Variants in SORCS2 observed in about 807,000 individuals in gnomAD.
SORCS2 encodes the protein sortilin related VPS10 domain containing receptor 2, also known as VPS10 domain-containing receptor SorCS2.
A neutral mutation model predicts 141.6 loss-of-function variants in SORCS2; 100 were observed. That is an observed-to-expected ratio of 0.71 (90% confidence interval 0.60 to 0.83). SORCS2 has a LOEUF of 0.83. Ranked by LOEUF, SORCS2 falls within the 40% of genes least tolerant of loss-of-function variation. The pLI is 0.00. For missense variants in SORCS2, 1,646 were observed against 1,560.2 expected (o/e 1.05, Z -0.93); for synonymous variants, 789 against 676.9 (o/e 1.17, Z -2.57).
At chr4:7,206,683 G>A (rs1403881296) in intron 1 of SORCS2, among the ~76,000 whole-genome samples, 1 of 152,192 alleles carries the variant, frequency 6.6e-6, no homozygotes, top group African/African-American at 2.4e-5. Flanking sequence ...TGTGCAGCCA[G>A]GTCCTGGTGA....
intron 3 of SORCS2, among the ~76,000 whole-genome samples, chr4:7,611,078 C>T (rs555128124): frequency 1.3e-5 from 2 of 152,216 alleles, no homozygotes; most frequent in Non-Finnish European, 2.9e-5. Flanking sequence ...AGCCACCATG[C>T]AGCCCAGCAC....
chr4:7,663,016 G>A lies in SORCS2; in HGVS notation c.953-1337G>A, dbSNP rs1320044430. Reference sequence around the variant, plus strand: ...TGAGCGAGTGAGTGGATGAGTGAGTGGGTGAATGAGTGAATAGGTGTGTGA... The same window carrying A: ...TGAGCGAGTGAGTGGATGAGTGAGTAGGTGAATGAGTGAATAGGTGTGTGA... On this transcript the variant is annotated intron_variant, in intron 6 of 26. Coordinates refer to ENST00000507866, the MANE Select transcript of SORCS2 (RefSeq NM_020777.3). This position sits in a 1 kb window ranked among gnomAD's most constrained non-coding sequence, Gnocchi z 4.8. Among the ~76,000 whole-genome samples the A allele has an allele frequency of 2.0e-5, 3 of 152,004 alleles. No individual in the cohort carries two copies.
intron 3 of SORCS2, among the ~76,000 whole-genome samples, chr4:7,607,016 A>G (rs571411204): frequency 6.6e-6 from 1 of 152,158 alleles, no homozygotes; most frequent in African/African-American, 2.4e-5. Flanking sequence ...TTTTCTCTGA[A>G]GCGATTTCAC....
intron 3 of SORCS2, among the ~76,000 whole-genome samples, chr4:7,545,870 C>T (rs1713222827): frequency 6.6e-6 from 1 of 152,210 alleles, no homozygotes; most frequent in Non-Finnish European, 1.5e-5. Context: ...AAACAACAGA[C>T]ATTTATTTCT....
chr4:7,589,283 C>T (rs763074186), intron 3 of SORCS2, among the ~76,000 whole-genome samples: 22 of 152,254 alleles, frequency 1.4e-4, no homozygotes, highest in African/African-American at 2.9e-4. Context: ...GGAGGGACTT[C>T]GGGCATAGAA....
In SORCS2 at chr4:7,714,368, C is replaced by A. The variant is rs1448723052; in HGVS notation, c.2118C>A (p.Phe706Leu). ...TGTGCGAGTGCCGGGACTCGGACTT[C>A]CTGTGGTGAGCGACGGGCTCCTGGC... ...SRVCECRDSDFLCDYGFERSS... is the reference protein window; with the variant it reads ...SRVCECRDSDLLCDYGFERSS... The change falls in exon 16 of 27, where the codon TTC becomes TTA. Residue 706 changes from phenylalanine to leucine, a missense_variant. Physicochemically the swap from Phe to Leu is conservative, Grantham distance 22. Transcript: ENST00000507866. 2 of 1,552,912 alleles carry A rather than the reference C, an allele frequency of 1.3e-6. No individual in the cohort carries two copies. The highest frequency in any genetic ancestry group is 1.4e-5 in the African/African-American group (1 of 73,158).
chr4:7,642,846 A>AG (rs1720834923), intron 4 of SORCS2, among the ~76,000 whole-genome samples: 1 of 152,296 alleles, frequency 6.6e-6, no homozygotes, highest in African/African-American at 2.4e-5. Context: ...TCTCATGATG[A>AG]GGGGGCAGAG....
chr4:7,475,199 G>C (rs1394540328), intron 2 of SORCS2, among the ~76,000 whole-genome samples: 3 of 152,160 alleles, frequency 2.0e-5, no homozygotes, highest in African/African-American at 7.2e-5. Context: ...GGGGCATAGG[G>C]TGCCGCCGTG....
intron 1 of SORCS2, among the ~76,000 whole-genome samples, chr4:7,241,837 G>A (rs537922518): frequency 5.9e-5 from 9 of 152,248 alleles, no homozygotes; most frequent in South Asian, 4.2e-4. Flanking sequence ...ATCTGTGTGC[G>A]TGTGTGTGTG....
intron 2 of SORCS2, among the ~76,000 whole-genome samples, chr4:7,514,029 C>T (rs964996374): frequency 9.9e-5 from 15 of 152,102 alleles, no homozygotes; most frequent in East Asian, 3.9e-4. Flanking sequence ...GGGCATCGTG[C>T]GTGCATTTCA....
chr4:7,681,992 G>A (rs150558951), intron 9 of SORCS2, among the ~76,000 whole-genome samples: 62 of 152,238 alleles, frequency 4.1e-4, no homozygotes, highest in African/African-American at 1.3e-3. Context: ...TGATAAATAC[G>A]GGTCAAAACC....
At chr4:7,241,788 G>A (rs984783367) in intron 1 of SORCS2, among the ~76,000 whole-genome samples, 4 of 152,202 alleles carry the variant, frequency 2.6e-5, no homozygotes, top group Admixed American at 2.0e-4. Context: ...TGAAAGTGCT[G>A]CAGAGCGACT....
intron 2 of SORCS2, among the ~76,000 whole-genome samples, chr4:7,526,901 T>C (rs2109528831): frequency 6.6e-6 from 1 of 152,360 alleles, no homozygotes; most frequent in Middle Eastern, 3.4e-3. Flanking sequence ...CAAAAGATGA[T>C]GTCAACATGT....
intron 23 of SORCS2, among the ~76,000 whole-genome samples, chr4:7,730,805 T>C (rs1176143162): frequency 2.0e-5 from 3 of 152,188 alleles, no homozygotes; most frequent in Admixed American, 1.3e-4. Context: ...AGGAATTAGA[T>C]AGTGGTAATG....
At chr4:7,325,207 C>A (rs1365812145) in intron 1 of SORCS2, among the ~76,000 whole-genome samples, 1 of 151,872 alleles carries the variant, frequency 6.6e-6, no homozygotes, top group African/African-American at 2.4e-5. Context: ...GGCTTTTCAT[C>A]TTGGCTCTTT....
intron 2 of SORCS2, among the ~76,000 whole-genome samples, chr4:7,460,834 C>A (rs1035486721): frequency 6.6e-6 from 1 of 152,162 alleles, no homozygotes; most frequent in Non-Finnish European, 1.5e-5. Context: ...GTGACCCTGC[C>A]GTGAACTCAC....
At chr4:7,637,673 T>TG (rs1197599769) in intron 3 of SORCS2, among the ~76,000 whole-genome samples, 3 of 151,196 alleles carry the variant, frequency 2.0e-5, no homozygotes, top group East Asian at 1.9e-4. Context: ...CCCTGGTGTG[T>TG]GGGGGGGCCC....
intron 2 of SORCS2, among the ~76,000 whole-genome samples, chr4:7,423,271 C>T (rs1726211536): frequency 6.6e-6 from 1 of 152,154 alleles, no homozygotes; most frequent in African/African-American, 2.4e-5. Flanking sequence ...CCTGTTAGAA[C>T]ATTATAATTG....
intron 2 of SORCS2, among the ~76,000 whole-genome samples, chr4:7,435,702 GTTATC>G (rs544917443): frequency 4.7e-4 from 71 of 152,376 alleles, no homozygotes; most frequent in African/African-American, 1.1e-3. Flanking sequence ...TGTGTCATCT[GTTATC>G]TTATCTTTTT....
Sources: allele counts gnomAD v4.1 joint callset (sites outside exome capture counted in the v4.1 genomes callset), GRCh38; gene constraint gnomAD v4.1.1; non-coding constraint Gnocchi (gnomAD v3.1); transcripts MANE v1.5; gene names NCBI Gene and HGNC (gene_info 2026-07-23, HGNC 2026-07-21).